Variants in SENP1 observed in about 807,000 individuals in gnomAD.
SENP1 encodes the protein SUMO specific peptidase 1.
SENP1 carries 21 observed loss-of-function variants against 93.0 expected under a neutral mutation model. The observed-to-expected ratio is 0.23, with a 90% confidence interval of 0.16 to 0.33. SENP1 has a LOEUF of 0.33. Among genes scored for constraint, SENP1 ranks in the 10% least tolerant of loss-of-function variants. SENP1 has a pLI of 1.00. For missense variants in SENP1, 591 were observed against 758.7 expected, an observed-to-expected ratio of 0.78 and a Z score of 2.60; for synonymous variants, 256 against 259.6, an observed-to-expected ratio of 0.99 and a Z score of 0.13.
chr12:48,073,811 A>C (rs146436074), intron 8 of SENP1, among the ~76,000 whole-genome samples: 2 of 152,336 alleles, frequency 1.3e-5, no homozygotes, highest in Non-Finnish European at 2.9e-5. Context: ...GAAACAGAGA[A>C]AGTGCTGAAG....
chr12:48,052,201 T>G (rs1314550561), intron 13 of SENP1, among the ~76,000 whole-genome samples: 1 of 152,224 alleles, frequency 6.6e-6, no homozygotes, highest in African/African-American at 2.4e-5. Context: ...TCCTGTACAT[T>G]ACCACAATGA....
Position 48,074,788 on chromosome 12 carries a change from A to G in SENP1, c.558T>C (p.Val186=), listed in dbSNP as rs554921775. The change falls in exon 7 of 18, where the codon GTT becomes GTC. Residue 186 remains valine (V), a synonymous_variant. Transcript: ENST00000549518. ...RRHVSTAEET[V]QEEEREIYRQ... is the part of the protein sequence containing the mutation. ...TGTAAATCTCTCTTTCTTCTTCTTGAACTGTCTATAAGAAAACAAAAAAAA... is the reference window on the plus strand; with the variant it reads ...TGTAAATCTCTCTTTCTTCTTCTTGGACTGTCTATAAGAAAACAAAAAAAA... 5.0e-6 allele frequency: 8 copies of G among 1,599,278 alleles called. No homozygotes were observed. The South Asian group carries it at 9.0e-5, about 18-fold the overall frequency.
Position 48,098,121 on chromosome 12 carries a change from T to G in SENP1, c.8A>C (p.Asp3Ala). Residue 3 changes from aspartate to alanine, a missense_variant, in exon 3 of 18, where the codon GAT becomes GCT. Transcript: ENST00000549518. Reference protein sequence around the residue: MDDIADRMRMDAG... With the variant: MDAIADRMRMDAG... The stretch of plus-strand genomic sequence containing the variant: ...ATCCATCCTCATCCTATCAGCAATA[T>G]CATCTGGGGAGACAGTCTGGATTAG... 1 of 1,613,228 alleles carries G rather than the reference T, an allele frequency of 6.2e-7. No homozygotes were observed. The highest frequency in any genetic ancestry group is 8.5e-7 in the Non-Finnish European group (1 of 1,179,458).
At chr12:48,086,974 G>A (rs2137177227) in intron 5 of SENP1, among the ~76,000 whole-genome samples, 1 of 151,518 alleles carries the variant, frequency 6.6e-6, no homozygotes, top group African/African-American at 2.4e-5. Flanking sequence ...GGGAGGCGGA[G>A]GTTGCAGTGA....
At chr12:48,088,499 T>G (rs1443463658) in intron 5 of SENP1, 1 of 335,920 alleles carries the variant, frequency 3.0e-6, no homozygotes, top group Non-Finnish European at 5.4e-6. Context: ...ATTGTGGAGA[T>G]TGACTGATTT....
chr12:48,080,866 G>T (rs1037331788), intron 6 of SENP1, among the ~76,000 whole-genome samples: 2 of 152,140 alleles, frequency 1.3e-5, no homozygotes, highest in Non-Finnish European at 2.9e-5. Flanking sequence ...TCATTTCATA[G>T]AATAGATTCT....
rs1945062482 is a variant in SENP1, at chr12:48,088,975, G to A, written c.221-15C>T. The A allele has an allele frequency of 1.9e-6, 3 of 1,573,032 alleles. No homozygotes were observed. The African/African-American group carries it at 4.1e-5, about 22-fold the overall frequency. On this transcript the variant is annotated splice_polypyrimidine_tract_variant and intron_variant, in intron 4 of 17. Transcript: ENST00000549518. Reference sequence around the variant, plus strand: ...GGAAGGATTATCTAAAAAAATAAAAGTTTGAATAAATTAAACAAATTCTAC... The same window carrying A: ...GGAAGGATTATCTAAAAAAATAAAAATTTGAATAAATTAAACAAATTCTAC...
chr12:48,057,110 ATATAT>A (rs1942579613), intron 13 of SENP1, among the ~76,000 whole-genome samples: 1 of 92,642 alleles, frequency 1.1e-5, no homozygotes, highest in Non-Finnish European at 1.8e-5. Context: ...ATATTATTTA[ATATAT>A]TATATATTAC....
intron 9 of SENP1, among the ~76,000 whole-genome samples, chr12:48,071,083 CAAAACA>C (rs895710489): frequency 6.6e-5 from 10 of 151,352 alleles, no homozygotes; most frequent in African/African-American, 9.7e-5. Context: ...GACCCTGTCT[CAAAACA>C]AAAACAAAAA....
At chr12:48,057,998 G>A (rs1044778864) in intron 13 of SENP1, among the ~76,000 whole-genome samples, 18 of 138,186 alleles carry the variant, frequency 1.3e-4, no homozygotes, top group Admixed American at 3.9e-4. Context: ...CCAGGCTGGA[G>A]TGCAGTGGCG....
chr12:48,071,834 C>T (rs1449983344), intron 8 of SENP1, 113 bp from the exon 9 acceptor site: 1 of 689,632 alleles, frequency 1.5e-6, no homozygotes, highest in Admixed American at 2.6e-5. Context: ...ACAAAAATAA[C>T]ATAAGAACAA....
chr12:48,090,423 C>T (rs112140776), intron 4 of SENP1, among the ~76,000 whole-genome samples: 11 of 152,238 alleles, frequency 7.2e-5, no homozygotes, highest in East Asian at 1.9e-4. Context: ...GCATTCTCAA[C>T]GGCATGTGAC....
intron 13 of SENP1, among the ~76,000 whole-genome samples, chr12:48,060,834 C>A (rs1942909666): frequency 6.6e-6 from 1 of 152,170 alleles, no homozygotes; most frequent in African/African-American, 2.4e-5. Context: ...GTATAGAAAT[C>A]CCCATCTACG....
At chr12:48,055,670 T>C (rs773284707) in intron 13 of SENP1, 1 of 151,736 alleles carries the variant, frequency 6.6e-6, no homozygotes, top group Non-Finnish European at 1.5e-5. Flanking sequence ...AGATGTGCTA[T>C]AAGTGTAAAA....
At chr12:48,086,433 A>G (rs1276511098) in intron 5 of SENP1, among the ~76,000 whole-genome samples, 1 of 152,238 alleles carries the variant, frequency 6.6e-6, no homozygotes, top group Non-Finnish European at 1.5e-5. Flanking sequence ...TTCATCATTC[A>G]TATAACGCCA....
chr12:48,086,576 A>G (rs1236525183), intron 5 of SENP1, among the ~76,000 whole-genome samples: 1 of 152,210 alleles, frequency 6.6e-6, no homozygotes, highest in East Asian at 1.9e-4. Context: ...AAAACAAGAT[A>G]CTGTTTGTTT....
At chr12:48,052,704 T>A (rs1270004392) in intron 13 of SENP1, among the ~76,000 whole-genome samples, 1 of 152,146 alleles carries the variant, frequency 6.6e-6, no homozygotes, top group Non-Finnish European at 1.5e-5. Flanking sequence ...GAATTAAAGC[T>A]AAACTTTTAG....
In SENP1 at chr12:48,042,915, C is replaced by T. The variant is rs1344712987; in HGVS notation, c.*2407G>A. ...AAAGGGGAACACAGGAGAAAAAAGTCTTATTTAGTTTAAAGTAAATTACAT... is the reference window on the plus strand; with the variant it reads ...AAAGGGGAACACAGGAGAAAAAAGTTTTATTTAGTTTAAAGTAAATTACAT... On this transcript the variant is annotated 3_prime_UTR_variant, in exon 18 of 18. Coordinates refer to ENST00000549518, the MANE Select transcript of SENP1 (RefSeq NM_001267594.2). 2 of 151,938 alleles carry T rather than the reference C, an allele frequency of 1.3e-5. No homozygotes were observed. Among genetic ancestry groups the T allele is most frequent in the Non-Finnish European group, 2.9e-5 (2 of 68,004 alleles). The allele number at this position is 151,938 out of a possible 1,614,324, so 9.4% of individuals were successfully genotyped here. A position where few individuals can be genotyped will look rare whatever the true frequency, so the allele number is the denominator to read the frequency against.
chr12:48,078,940 G>C (rs1250296874), intron 6 of SENP1, among the ~76,000 whole-genome samples: 1 of 152,166 alleles, frequency 6.6e-6, no homozygotes, highest in Non-Finnish European at 1.5e-5. Context: ...CTTGAGCCTA[G>C]GAGTTTGAGA....
Sources: gnomAD v4.1 joint callset for allele counts (sites outside exome capture counted in the v4.1 genomes callset) on GRCh38, gnomAD v4.1.1 for gene constraint, MANE v1.5 for transcripts, NCBI Gene and HGNC (gene_info 2026-07-23, HGNC 2026-07-21) for gene names.